The following TTC39B variants were observed in gnomAD, a reference collection of about 807,000 sequenced individuals.
The protein encoded by TTC39B is tetratricopeptide repeat protein 39B.
In TTC39B, 92 loss-of-function variants were observed where a neutral mutation model predicts 96.6. The observed-to-expected ratio is 0.95, with a 90% CI of 0.80 to 1.13. The LOEUF (loss-of-function observed/expected upper bound fraction) is 1.13, where lower values mean the gene tolerates loss of function less well. TTC39B is among the 50% of genes most tolerant of loss of function. The pLI, the probability that TTC39B is intolerant of heterozygous loss-of-function variation, is 0.00. For missense variants in TTC39B, 955 were observed against 809.3 expected, an observed-to-expected ratio of 1.18 and a Z score of -2.18; for synonymous variants, 367 against 299.4, an observed-to-expected ratio of 1.23 and a Z score of -2.33.
chr9:15,232,909 G>A (rs924510407), intron 2 of TTC39B, among the ~76,000 whole-genome samples: 1 of 152,162 alleles, frequency 6.6e-6, no homozygotes, highest in African/African-American at 2.4e-5. Flanking sequence ...GTGGTGCCGG[G>A]AGACGACGGC....
At chr9:15,204,526 T>G (rs549483845) in intron 6 of TTC39B, among the ~76,000 whole-genome samples, 1 of 147,240 alleles carries the variant, frequency 6.8e-6, no homozygotes, top group African/African-American at 2.6e-5. Flanking sequence ...TGAAACTCCA[T>G]CTCAAAAAGA....
exon 20 of TTC39B, chr9:15,169,878 T>A (rs1817596132): frequency 6.6e-6 from 1 of 152,152 alleles, no homozygotes; most frequent in Non-Finnish European, 1.5e-5. Context: ...TTTCATTTTA[T>A]CCCCAAAAGA....
At chr9:15,259,502 C>A (rs1822871125) in intron 2 of TTC39B, among the ~76,000 whole-genome samples, 1 of 152,150 alleles carries the variant, frequency 6.6e-6, no homozygotes, top group Non-Finnish European at 1.5e-5. Context: ...AGACTGTACA[C>A]AATTGTTTAT....
chr9:15,167,203 ATTTTTTTTTTTT>A (rs35735770), exon 20 of TTC39B: 1 of 43,944 alleles, frequency 2.3e-5, no homozygotes, highest in Admixed American at 3.5e-4. Context: ...TGCACGGCTC[ATTTTTTTTTTTT>A]TTTTTTTTTT....
At chr9:15,209,613 T>C (rs1470267502) in intron 6 of TTC39B, among the ~76,000 whole-genome samples, 2 of 152,220 alleles carry the variant, frequency 1.3e-5, no homozygotes, top group South Asian at 2.1e-4. Context: ...ATCTATCTTA[T>C]GAAATAACTT....
At chr9:15,190,233 C>A (rs903657952) in intron 11 of TTC39B, among the ~76,000 whole-genome samples, 1 of 152,026 alleles carries the variant, frequency 6.6e-6, no homozygotes, top group Non-Finnish European at 1.5e-5. Context: ...CTATTTTCTA[C>A]CTTTATTCAA....
At chr9:15,224,881 G>A (rs577587920) in intron 3 of TTC39B, among the ~76,000 whole-genome samples, 4 of 152,184 alleles carry the variant, frequency 2.6e-5, no homozygotes, top group African/African-American at 7.2e-5. Flanking sequence ...TATATATTGC[G>A]AGGGTAGAAT....
chr9:15,184,677 G>T (rs532454135), intron 16 of TTC39B, among the ~76,000 whole-genome samples: 1 of 152,200 alleles, frequency 6.6e-6, no homozygotes, highest in East Asian at 1.9e-4. Context: ...ACAGCCAGCA[G>T]CCAGTTATGG....
chr9:15,280,993 A>T (rs1210782747), intron 1 of TTC39B, among the ~76,000 whole-genome samples: 1 of 152,112 alleles, frequency 6.6e-6, no homozygotes, highest in Non-Finnish European at 1.5e-5. Context: ...CAGTATTGAG[A>T]AGAATAATTT....
intron 1 of TTC39B, among the ~76,000 whole-genome samples, chr9:15,284,033 A>G (rs1204946821): frequency 6.6e-6 from 1 of 152,224 alleles, no homozygotes; most frequent in African/African-American, 2.4e-5. Flanking sequence ...AAAATAATTA[A>G]GGCACTTTAA....
At chr9:15,247,571 G>T (rs73646014) in intron 2 of TTC39B, among the ~76,000 whole-genome samples, 1,908 of 152,166 alleles carry the variant, frequency 0.013, 37 homozygotes, top group African/African-American at 0.043. Context: ...AGAAACCCTT[G>T]ATTTTTCCAT....
intron 2 of TTC39B, among the ~76,000 whole-genome samples, chr9:15,251,149 T>C (rs1012324805): frequency 6.6e-6 from 1 of 151,346 alleles, no homozygotes; most frequent in African/African-American, 2.4e-5. Flanking sequence ...TGAGCCAAGA[T>C]TGCGCCACTG....
At chr9:15,253,264 A>G (rs1383916412) in intron 2 of TTC39B, among the ~76,000 whole-genome samples, 2 of 152,218 alleles carry the variant, frequency 1.3e-5, no homozygotes. Flanking sequence ...GGCAATCACA[A>G]ATTTCCTTAC....
intron 8 of TTC39B, among the ~76,000 whole-genome samples, chr9:15,198,382 A>C (rs371923094): frequency 7.3e-5 from 11 of 151,376 alleles, no homozygotes; most frequent in African/African-American, 2.7e-4. Flanking sequence ...GCTTGAACCC[A>C]GGAGGCAGAG....
At chr9:15,292,123 T>C (rs777939031) in intron 1 of TTC39B, among the ~76,000 whole-genome samples, 1 of 152,182 alleles carries the variant, frequency 6.6e-6, no homozygotes, top group African/African-American at 2.4e-5. Context: ...GAAAGAATCA[T>C]AGTTAATGCC....
In TTC39B at chr9:15,299,466, G is replaced by A. The variant is rs542815020; in HGVS notation, c.240+7618C>T. 9.2e-5 allele frequency among the ~76,000 whole-genome samples: 14 copies of A among 152,228 alleles called. No individual in the cohort carries two copies. The South Asian group carries it at 1.0e-3, about 11-fold the overall frequency. ...GACATCACCAATACAGCAACTGGCC[G>A]CGGTGGCTCTGGGTATAAACGGACT... On this transcript the variant is annotated intron_variant, in intron 1 of 19. Transcript: ENST00000512701.
At chr9:15,283,037 G>A (rs1823826275) in intron 1 of TTC39B, among the ~76,000 whole-genome samples, 1 of 152,034 alleles carries the variant, frequency 6.6e-6, no homozygotes, top group South Asian at 2.1e-4. Flanking sequence ...TTTGTTTCAC[G>A]TCTGCCCTCC....
At chr9:15,174,625 T>C (rs1367522642) in intron 19 of TTC39B, among the ~76,000 whole-genome samples, 1 of 152,324 alleles carries the variant, frequency 6.6e-6, no homozygotes, top group Middle Eastern at 3.4e-3. Context: ...AACATACCCA[T>C]CTGTTTACAT....
chr9:15,233,274 G>A (rs112303078), intron 2 of TTC39B, among the ~76,000 whole-genome samples: 2,783 of 152,216 alleles, frequency 0.018, 80 homozygotes, highest in African/African-American at 0.063. Context: ...CCACCTGGCC[G>A]GTGCCATGAC....
Sources: allele counts gnomAD v4.1 joint callset (sites outside exome capture counted in the v4.1 genomes callset), GRCh38; gene constraint gnomAD v4.1.1; transcripts MANE v1.5; gene names NCBI Gene and HGNC (gene_info 2026-07-23, HGNC 2026-07-21).